Variants in DNAH1 observed in about 807,000 individuals in gnomAD.
The protein encoded by DNAH1 is axonemal beta dynein heavy chain 1.
A neutral mutation model predicts 484.3 loss-of-function variants in DNAH1; 327 were observed. The observed-to-expected ratio is 0.68, with a 90% CI of 0.62 to 0.74. DNAH1 has a LOEUF of 0.74. DNAH1 is among the 30% of genes least tolerant of loss of function. The pLI, the probability that DNAH1 is intolerant of heterozygous loss-of-function variation, is 0.00. For synonymous variants in DNAH1, 2,192 were observed against 2,191.9 expected (o/e 1.00, Z 0.00); for missense variants, 5,052 against 5,546.8 (o/e 0.91, Z 2.83).
chr3:52,353,400 G>C lies in DNAH1; in HGVS notation c.3247G>C (p.Asp1083His), dbSNP rs1210630091. The C allele has an allele frequency of 1.9e-6, 3 of 1,611,284 alleles. No homozygotes were observed. The highest frequency in any genetic ancestry group is 2.5e-6 in the Non-Finnish European group (3 of 1,177,844). The change falls in exon 20 of 78, where the codon GAC becomes CAC. Residue 1083 changes from aspartate to histidine, a missense_variant. This residue lies in a region of DNAH1 where 2,929 missense variants were observed against 3,409.4 expected (regional missense o/e 0.86). Transcript: ENST00000420323. This position sits in a 1 kb window ranked among gnomAD's most constrained non-coding sequence, Gnocchi z 5.0. The stretch of plus-strand genomic sequence containing the variant: ...GGCAGCCTGCCAGGAAGTGGCCTTG[G>C]ACATCCGGGCCCGCATCGAGGAGTT... ...DMPACQEVAL[D>H]IRARIEEFKP...
Position 52,395,542 on chromosome 3 carries a change from T to G in DNAH1, c.11128-5T>G. On this transcript the variant is annotated splice_region_variant and splice_polypyrimidine_tract_variant and intron_variant, in intron 69 of 77. Coordinates refer to ENST00000420323, the MANE Select transcript of DNAH1 (RefSeq NM_015512.5). The surrounding 1 kb of genome is among the most constrained non-coding windows in gnomAD (Gnocchi z 4.4). ...GCCCCCTGCTCAGTGCTCTTGCCCCTGCAGGGCCCTCGGGCAGAAGCCATG... is the reference window on the plus strand; with the variant it reads ...GCCCCCTGCTCAGTGCTCTTGCCCCGGCAGGGCCCTCGGGCAGAAGCCATG... The G allele has an allele frequency of 2.5e-6, 4 of 1,613,484 alleles. No homozygotes were observed. The highest frequency in any genetic ancestry group is 3.4e-6 in the Non-Finnish European group (4 of 1,179,848).
Position 52,372,898 on chromosome 3 carries a change from G to C in DNAH1, c.6830G>C (p.Arg2277Pro), listed in dbSNP as rs926828772. 6.2e-7 allele frequency: 1 copy of C among 1,612,068 alleles called. No homozygotes were observed. The highest frequency in any genetic ancestry group is 1.3e-5 in the African/African-American group (1 of 74,950). ...DFIDSKLDKR[R>P]KGVFGPPLGR... ...GCTCACACAGCCCCTCCCCTCAGGC[G>C]GAAGGGTGTGTTTGGACCACCTCTG... is the stretch of plus-strand genomic sequence containing the variant. Residue 2277 changes from arginine to proline, a missense_variant and splice_region_variant, in exon 44 of 78, where the codon CGG (arginine) becomes CCG (proline). Physicochemically the swap from Arg to Pro is moderately radical, Grantham distance 103 (BLOSUM62 -2). Coordinates refer to ENST00000420323, the MANE Select transcript of DNAH1 (RefSeq NM_015512.5).
At chr3:52,324,631 C>T (rs926666929) in intron 3 of DNAH1, among the ~76,000 whole-genome samples, 1 of 152,158 alleles carries the variant, frequency 6.6e-6, no homozygotes, top group Non-Finnish European at 1.5e-5. Context: ...CCTCTTGGAG[C>T]CCACAGGCCT....
At chr3:52,333,084 C>T (rs1002262305) in intron 8 of DNAH1, among the ~76,000 whole-genome samples, 15 of 152,146 alleles carry the variant, frequency 9.9e-5, no homozygotes, top group Admixed American at 5.2e-4. Context: ...ACAGATCTCC[C>T]TATGTTGCCC....
chr3:52,400,284 T>A, intron 77 of DNAH1, 41 bp from the exon 78 acceptor site: 1 of 1,611,562 alleles, frequency 6.2e-7, no homozygotes, highest in Non-Finnish European at 8.5e-7. Flanking sequence ...CTAGTAGTAA[T>A]AGGGCATGAC....
At position 52,362,577 on chromosome 3, in the gene DNAH1, A is replaced by C. The variant is rs967095736; in HGVS notation, c.5094+76A>C. 2 of 1,315,634 alleles carry C rather than the reference A, an allele frequency of 1.5e-6. No individual in the cohort carries two copies. Among genetic ancestry groups the C allele is most frequent in the Admixed American group, 3.9e-5 (2 of 51,130 alleles). 81.5% of individuals were successfully genotyped at this position (1,315,634 alleles called of 1,614,324 possible). ...TTCAGAGATGCTAAGCCACTTATGC[A>C]AGGACACAGTTGCTTGGACTCCAGG... On this transcript the variant is annotated intron_variant, in intron 31 of 77. Transcript: ENST00000420323. The surrounding 1 kb of genome is among the most constrained non-coding windows in gnomAD (Gnocchi z 5.1).
upstream of DNAH1, among the ~76,000 whole-genome samples, chr3:52,314,100 G>A (rs574000866): frequency 4.1e-4 from 63 of 152,194 alleles, no homozygotes; most frequent in Non-Finnish European, 8.4e-4. Context: ...GGGAGTGGGG[G>A]CACTTGGTGG....
chr3:52,360,510 C>T (rs1466887638), intron 28 of DNAH1, 86 bp downstream of exon 28: 1 of 1,101,636 alleles, frequency 9.1e-7, no homozygotes, highest in Non-Finnish European at 1.3e-6. Context: ...CATGGCCACT[C>T]TGGGGTGATC....
At chr3:52,374,529 A>AT (rs1703499070) in intron 44 of DNAH1, 2 of 1,492,408 alleles carry the variant, frequency 1.3e-6, no homozygotes. Flanking sequence ...TGTGAAGACC[A>AT]TGGAGCCCCT....
Position 52,360,241 on chromosome 3 carries a change from T to G in DNAH1, c.4572-70T>G, listed in dbSNP as rs566169551. ...CCTCATTCCCAAAAAGAACCCTCTC[T>G]CCTTGACTATATACCCTGCCCAGTG... is the stretch of plus-strand genomic sequence containing the variant. On this transcript the variant is annotated intron_variant, in intron 27 of 77. Coordinates refer to ENST00000420323, the MANE Select transcript of DNAH1 (RefSeq NM_015512.5). 42 of 1,523,610 alleles carry G rather than the reference T, an allele frequency of 2.8e-5. No individual in the cohort carries two copies. The East Asian group carries it at 9.0e-4, about 33-fold the overall frequency. 94.4% of individuals were successfully genotyped at this position (1,523,610 alleles called of 1,614,324 possible).
At chr3:52,367,730 T>C (rs1168273118) in intron 36 of DNAH1, among the ~76,000 whole-genome samples, 2 of 152,130 alleles carry the variant, frequency 1.3e-5, no homozygotes, top group Non-Finnish European at 2.9e-5. Context: ...TGTGCCACCA[T>C]GCCCGGCTAA....
chr3:52,395,812 CAT>C lies in DNAH1; in HGVS notation c.11259+135_11259+136del, dbSNP rs754277135. The stretch of plus-strand genomic sequence containing the variant: ...CACGTGGCAAGTGCTCAGCAACTGA[CAT>C]GTGCCACACATCGACATCATTAATC... On this transcript the variant is annotated intron_variant, in intron 70 of 77. Transcript: ENST00000420323. This position sits in a 1 kb window ranked among gnomAD's most constrained non-coding sequence, Gnocchi z 4.4. 1.0e-4 allele frequency: 128 copies of C among 1,268,812 alleles called. No individual in the cohort carries two copies. Among genetic ancestry groups the C allele is most frequent in the Non-Finnish European group, 1.3e-4 (119 of 915,856 alleles). The allele number at this position is 1,268,812 out of a possible 1,614,324, so 78.6% of individuals were successfully genotyped here. A position where few individuals can be genotyped will look rare whatever the true frequency, so the allele number is the denominator to read the frequency against.
chr3:52,387,731 C>T (rs1704171275), intron 56 of DNAH1, among the ~76,000 whole-genome samples: 1 of 152,210 alleles, frequency 6.6e-6, no homozygotes. Context: ...CTATTATGAA[C>T]TACAGGGCTG....
At chr3:52,374,108 A>G in intron 44 of DNAH1, 1 of 1,122,772 alleles carries the variant, frequency 8.9e-7, no homozygotes, top group Non-Finnish European at 1.4e-6. Context: ...TTTTCTTAAA[A>G]CCACCCTTCA....
At position 52,358,667 on chromosome 3, in the gene DNAH1, G is replaced by T; in HGVS notation, c.4196G>T (p.Arg1399Leu). Reference protein sequence around the residue: ...YPSSNVEDWLREVERSMKASV... With the variant: ...YPSSNVEDWLLEVERSMKASV... ...TCCAGCAACGTGGAGGACTGGCTGC[G>T]GGAGGTGGAGCGCAGCATGAAGGCC... is the stretch of plus-strand genomic sequence containing the variant. The change falls in exon 25 of 78, where the codon CGG (arginine) becomes CTG (leucine). Residue 1399 changes from arginine to leucine, a missense_variant. Around this residue, in one of 4 missense-constraint regions of DNAH1, gnomAD observed 2,929 missense variants for 3,409.4 expected, o/e 0.86. Transcript: ENST00000420323. The surrounding 1 kb of genome is among the most constrained non-coding windows in gnomAD (Gnocchi z 4.2). 6.2e-7 allele frequency: 1 copy of T among 1,613,144 alleles called. No individual in the cohort carries two copies. The highest frequency in any genetic ancestry group is 8.5e-7 in the Non-Finnish European group (1 of 1,179,764).
In DNAH1 at chr3:52,361,583, G is replaced by A; in HGVS notation, c.4875-78G>A. ...TGAGGGCTTCCTCCCAAGTGGAGTTGGAGGGGGCCCTCAGAGGGAGGTGCC... is the reference window on the plus strand; with the variant it reads ...TGAGGGCTTCCTCCCAAGTGGAGTTAGAGGGGGCCCTCAGAGGGAGGTGCC... On this transcript the variant is annotated intron_variant, in intron 29 of 77. Coordinates refer to ENST00000420323, the MANE Select transcript of DNAH1 (RefSeq NM_015512.5). The surrounding 1 kb of genome is among the most constrained non-coding windows in gnomAD (Gnocchi z 5.6). 1.4e-6 allele frequency: 2 copies of A among 1,454,432 alleles called. No homozygotes were observed. The highest frequency in any genetic ancestry group is 1.9e-6 in the Non-Finnish European group (2 of 1,066,358). The allele number at this position is 1,454,432 out of a possible 1,614,324, so 90.1% of individuals were successfully genotyped here.
rs367692811 is a variant in DNAH1 at position 52,375,994 on chromosome 3, G to A, written c.7198+1G>A. On this transcript the variant is annotated splice_donor_variant, in intron 46 of 77. Coordinates refer to ENST00000420323, the MANE Select transcript of DNAH1 (RefSeq NM_015512.5). LOFTEE classifies it high-confidence loss of function. ...GAAAAAAGCTACCGGGAGCGTGTGC[G>A]TAAGTGTGGGCCTGGGCGGGAATGG... 12 of 1,611,930 alleles carry A rather than the reference G, an allele frequency of 7.4e-6. No individual in the cohort carries two copies. Among genetic ancestry groups the A allele is most frequent in the South Asian group, 5.5e-5 (5 of 90,760 alleles).
rs1702258785 is a variant in DNAH1, at chr3:52,349,018, C to G, written c.2237C>G (p.Ala746Gly). Residue 746 changes from alanine (A) to glycine (G), a missense_variant, in exon 13 of 78, where the codon GCC becomes GGC. Transcript: ENST00000420323. ...AVSKAMIPLQ[A>G]YAKEYRKYLE... ...TCCAAGGCCATGATCCCACTGCAGG[C>G]CTACGCCAAGGAGTACCGAAAGTAC... 1 of 1,613,052 alleles carries G rather than the reference C, an allele frequency of 6.2e-7. No individual in the cohort carries two copies. Among genetic ancestry groups the G allele is most frequent in the African/African-American group, 1.3e-5 (1 of 74,928 alleles).
Position 52,395,420 on chromosome 3 carries a change from T to TGAA in DNAH1, c.11083_11085dup (p.Lys3695dup). On this transcript the variant is annotated inframe_insertion, in exon 69 of 78. Transcript: ENST00000420323. This position sits in a 1 kb window ranked among gnomAD's most constrained non-coding sequence, Gnocchi z 4.4. Reference sequence around the variant, plus strand: ...GACCTCTACAAGTTTGCCGAAGAAATGAAGTTCTCCAAAAAGCTCTCTGCC... The same window carrying TGAA: ...GACCTCTACAAGTTTGCCGAAGAAATGAAGAAGTTCTCCAAAAAGCTCTCTGCC... 4 of 1,613,828 alleles carry TGAA rather than the reference T, an allele frequency of 2.5e-6. No individual in the cohort carries two copies. Among genetic ancestry groups the TGAA allele is most frequent in the Non-Finnish European group, 3.4e-6 (4 of 1,179,878 alleles).
Sources: allele counts gnomAD v4.1 joint callset (sites outside exome capture counted in the v4.1 genomes callset), GRCh38; gene constraint gnomAD v4.1.1; regional missense constraint gnomAD v4.1.1; non-coding constraint Gnocchi (gnomAD v3.1); transcripts MANE v1.5; gene names NCBI Gene and HGNC (gene_info 2026-07-23, HGNC 2026-07-21).